GSG1L: variants seen among roughly 807,000 people sequenced by gnomAD.
GSG1L encodes the protein GSG1 like.
A neutral mutation model predicts 42.1 loss-of-function variants in GSG1L; 24 were observed. The observed-to-expected ratio is 0.57, with a 90% CI of 0.41 to 0.80. GSG1L has a LOEUF of 0.80. Ranked by LOEUF, GSG1L falls within the 30% of genes least tolerant of loss-of-function variation. GSG1L has a pLI of 0.00. For missense variants in GSG1L, 445 were observed against 472.2 expected, an observed-to-expected ratio of 0.94 and a Z score of 0.53; for synonymous variants, 215 against 203.5, an observed-to-expected ratio of 1.06 and a Z score of -0.48.
In GSG1L at chr16:28,063,139, A is replaced by G; in HGVS notation, c.286T>C (p.Phe96Leu). Residue 96 changes from phenylalanine to leucine, a missense_variant, in exon 1 of 7, where the codon TTC becomes CTC. Phe to Leu is a conservative substitution (Grantham distance 22). Coordinates refer to ENST00000447459, the MANE Select transcript of GSG1L (RefSeq NM_001109763.2). The surrounding 1 kb of genome is among the most constrained non-coding windows in gnomAD (Gnocchi z 5.8). Reference protein sequence around the residue: ...LYSWETGDDRFLFRNFHTGIW... With the variant: ...LYSWETGDDRLLFRNFHTGIW... ...CCGGTGTGGAAATTCCTGAAGAGGA[A>G]GCGGTCGTCGCCGGTCTCCCAGCTG... 1.4e-6 allele frequency: 2 copies of G among 1,433,654 alleles called. No individual in the cohort carries two copies. Among genetic ancestry groups the G allele is most frequent in the Non-Finnish European group, 1.8e-6 (2 of 1,087,904 alleles). 88.8% of individuals were successfully genotyped at this position (1,433,654 alleles called of 1,614,324 possible). A position where few individuals can be genotyped will look rare whatever the true frequency, so the allele number is the denominator to read the frequency against.
At chr16:27,807,395 G>A in intron 6 of GSG1L, 92 bp downstream of exon 6, 4 of 995,906 alleles carry the variant, frequency 4.0e-6, no homozygotes, top group Admixed American at 2.1e-5. Flanking sequence ...GCAGTGGGGG[G>A]TGGGGGCTGG....
chr16:27,911,835 T>A (rs2084394703), intron 2 of GSG1L, among the ~76,000 whole-genome samples: 1 of 152,160 alleles, frequency 6.6e-6, no homozygotes, highest in African/African-American at 2.4e-5. Flanking sequence ...GCTTTACTTT[T>A]CTCCACACTT....
At chr16:27,965,043 A>G (rs1218951052) in intron 1 of GSG1L, among the ~76,000 whole-genome samples, 2 of 152,080 alleles carry the variant, frequency 1.3e-5, no homozygotes, top group Admixed American at 6.6e-5. Flanking sequence ...ATTTGAGACA[A>G]AGTCTCACTC....
intron 1 of GSG1L, among the ~76,000 whole-genome samples, chr16:27,993,152 TTTG>T (rs1401788275): frequency 2.6e-5 from 4 of 152,056 alleles, no homozygotes; most frequent in Admixed American, 6.6e-5. Flanking sequence ...CCACTTGCTT[TTTG>T]TTGTTGTTGT....
chr16:27,892,462 T>C (rs2084140760), intron 2 of GSG1L, among the ~76,000 whole-genome samples: 1 of 150,460 alleles, frequency 6.6e-6, no homozygotes, highest in African/African-American at 2.4e-5. Flanking sequence ...GTCTCAAAAA[T>C]AAAAAAAATG....
chr16:27,940,112 T>A (rs994741787), intron 2 of GSG1L, among the ~76,000 whole-genome samples: 2 of 152,038 alleles, frequency 1.3e-5, no homozygotes, highest in Non-Finnish European at 2.9e-5. Flanking sequence ...ATGCTCATCA[T>A]CACTGGCCAT....
chr16:27,852,630 G>C (rs1212399611), intron 3 of GSG1L, among the ~76,000 whole-genome samples: 1 of 152,164 alleles, frequency 6.6e-6, no homozygotes, highest in Non-Finnish European at 1.5e-5. Flanking sequence ...ACTTAGGTGG[G>C]GCACGTGAGA....
intron 3 of GSG1L, among the ~76,000 whole-genome samples, chr16:27,849,599 G>A (rs1386176157): frequency 1.3e-5 from 2 of 152,152 alleles, no homozygotes; most frequent in East Asian, 3.9e-4. Flanking sequence ...GTGCAGTGGT[G>A]CAATCATAGC....
At chr16:27,945,858 G>A (rs2084854071) in intron 2 of GSG1L, among the ~76,000 whole-genome samples, 1 of 152,234 alleles carries the variant, frequency 6.6e-6, no homozygotes, top group African/African-American at 2.4e-5. Context: ...GCATCTCCAG[G>A]GAGCCTGACA....
chr16:27,849,918 G>A (rs1368779998), intron 3 of GSG1L, among the ~76,000 whole-genome samples: 1 of 151,552 alleles, frequency 6.6e-6, no homozygotes, highest in Non-Finnish European at 1.5e-5. Flanking sequence ...CAAGAGTTTG[G>A]GTTTCAGCGT....
intron 1 of GSG1L, among the ~76,000 whole-genome samples, chr16:28,035,558 T>C (rs2086024637): frequency 6.6e-6 from 1 of 152,108 alleles, no homozygotes; most frequent in Admixed American, 6.6e-5. Flanking sequence ...CATGTTTAAT[T>C]AATAAAATAT....
Position 27,791,377 on chromosome 16 carries a change from C to A in GSG1L, c.989G>T (p.Trp330Leu), listed in dbSNP as rs2082750161. Residue 330 changes from tryptophan (W) to leucine (L), a missense_variant, in exon 7 of 7, where the codon TGG (tryptophan) becomes TTG (leucine). Around this residue, in one of 3 missense-constraint regions of GSG1L, gnomAD observed 140 missense variants for 120.6 expected, o/e 1.16. Coordinates refer to ENST00000447459, the MANE Select transcript of GSG1L (RefSeq NM_001109763.2). ...LNRQCWVLGH[W>L]V ...GCCAGGTTGAGGTCTTGGTCACACC[C>A]AGTGCCCCAAGACCCAGCACTGTCG... 7.0e-7 allele frequency: 1 copy of A among 1,435,832 alleles called. No individual in the cohort carries two copies. The highest frequency in any genetic ancestry group is 9.2e-7 in the Non-Finnish European group (1 of 1,085,602). 88.9% of individuals were successfully genotyped at this position (1,435,832 alleles called of 1,614,324 possible).
At chr16:27,876,528 C>T (rs1045372858) in intron 3 of GSG1L, among the ~76,000 whole-genome samples, 8 of 152,216 alleles carry the variant, frequency 5.3e-5, no homozygotes, top group Non-Finnish European at 1.0e-4. Context: ...CAGATGAGAT[C>T]GTAAGGCAAA....
chr16:27,957,739 G>A (rs1475341432), intron 2 of GSG1L, among the ~76,000 whole-genome samples: 3 of 152,212 alleles, frequency 2.0e-5, no homozygotes, highest in Non-Finnish European at 4.4e-5. Context: ...ACCTGAGGCT[G>A]CGTAATTTAC....
At chr16:27,876,945 T>C (rs1176770444) in intron 3 of GSG1L, among the ~76,000 whole-genome samples, 5 of 152,178 alleles carry the variant, frequency 3.3e-5, no homozygotes, top group African/African-American at 1.2e-4. Context: ...GATGGACAGG[T>C]TTCTCTTTGT....
chr16:27,976,068 C>T (rs4788020), intron 1 of GSG1L, among the ~76,000 whole-genome samples: 1 of 151,966 alleles, frequency 6.6e-6, no homozygotes, highest in African/African-American at 2.4e-5. Flanking sequence ...TGAGGTCAGG[C>T]GTTCGAGACC....
At chr16:27,984,785 T>A (rs543049787) in intron 1 of GSG1L, among the ~76,000 whole-genome samples, 1 of 152,178 alleles carries the variant, frequency 6.6e-6, no homozygotes, top group East Asian at 1.9e-4. Context: ...GGAGACAGCA[T>A]CTTGCTCTGT....
chr16:27,978,015 G>T (rs965004784), intron 1 of GSG1L, among the ~76,000 whole-genome samples: 2 of 152,198 alleles, frequency 1.3e-5, no homozygotes, highest in Non-Finnish European at 2.9e-5. Flanking sequence ...GTCTCCAGGG[G>T]CTCTGGCTGA....
At chr16:27,987,172 G>A (rs536819550) in intron 1 of GSG1L, among the ~76,000 whole-genome samples, 9 of 147,840 alleles carry the variant, frequency 6.1e-5, no homozygotes, top group South Asian at 4.2e-4. Context: ...ACCCAAGATC[G>A]CACCACTGCA....
Sources: gnomAD v4.1 joint callset for allele counts (sites outside exome capture counted in the v4.1 genomes callset) on GRCh38, gnomAD v4.1.1 for gene constraint, gnomAD v4.1.1 regional missense constraint, Gnocchi (gnomAD v3.1) non-coding constraint, MANE v1.5 for transcripts, NCBI Gene and HGNC (gene_info 2026-07-23, HGNC 2026-07-21) for gene names.